TMEM259: variants seen among roughly 807,000 people sequenced by gnomAD.
The protein encoded by TMEM259 is transmembrane protein 259.
TMEM259 carries 26 observed loss-of-function variants against 46.7 expected under a neutral mutation model. The observed-to-expected ratio is 0.56, with a 90% CI of 0.41 to 0.77. TMEM259 has a LOEUF of 0.77. Ranked by LOEUF, TMEM259 falls within the 30% of genes least tolerant of loss-of-function variation. The probability of loss-of-function intolerance (pLI) is 0.00; values close to 1 mark genes in which losing one functional copy is unlikely to be tolerated. For synonymous variants in TMEM259, 494 were observed against 395.1 expected, an observed-to-expected ratio of 1.25 and a Z score of -2.97; for missense variants, 930 against 900.5, an observed-to-expected ratio of 1.03 and a Z score of -0.42.
At chr19:1,014,973 C>T (rs1408420630) in intron 1 of TMEM259, among the ~76,000 whole-genome samples, 1 of 152,236 alleles carries the variant, frequency 6.6e-6, no homozygotes, top group Non-Finnish European at 1.5e-5. Context: ...ACCCCAGGGC[C>T]ACCAGCTGGA....
intron 3 of TMEM259, among the ~76,000 whole-genome samples, chr19:1,013,018 G>C (rs759960579): frequency 1.3e-5 from 2 of 152,146 alleles, no homozygotes; most frequent in African/African-American, 2.4e-5. Context: ...CGCCGTTCAC[G>C]AGGATCCCAG....
In TMEM259 at chr19:1,010,363, T is replaced by G. The variant is rs781271051; in HGVS notation, c.1850A>C (p.Glu617Ala). 6.7e-7 allele frequency: 1 copy of G among 1,492,318 alleles called. No homozygotes were observed. Among genetic ancestry groups the G allele is most frequent in the South Asian group, 1.3e-5 (1 of 75,694 alleles). The allele number at this position is 1,492,318 out of a possible 1,614,324, so 92.4% of individuals were successfully genotyped here. The change falls in exon 11 of 11, where the codon GAG becomes GCG. Residue 617 changes from glutamate (E) to alanine (A), a missense_variant. Glu to Ala is a moderately radical substitution (Grantham distance 107). Transcript: ENST00000356663. ...ASMAPTEAPS[E>A]VGS ...CAGCTGTGCGGCTCAGGACCCCACC[T>G]CCGAGGGCGCCTCCGTTGGGGCCAT...
Position 1,011,809 on chromosome 19 carries a change from C to T in TMEM259, c.943-11G>A, listed in dbSNP as rs187323927. ...GGACACGCTCAGCGTCTGCAAGGGG[C>T]GCGCAGGAAGCGCTATGAGGGGCTG... On this transcript the variant is annotated splice_polypyrimidine_tract_variant and intron_variant, in intron 6 of 10. Coordinates refer to ENST00000356663, the MANE Select transcript of TMEM259 (RefSeq NM_001033026.2). The T allele has an allele frequency of 4.5e-5, 72 of 1,583,486 alleles. No individual in the cohort carries two copies. In the East Asian group the frequency reaches 5.3e-4, roughly 12 times the overall value.
At position 1,011,681 on chromosome 19, in the gene TMEM259, C is replaced by A. The variant is rs1002310778; in HGVS notation, c.1001-18G>T. On this transcript the variant is annotated intron_variant, in intron 7 of 10. Coordinates refer to ENST00000356663, the MANE Select transcript of TMEM259 (RefSeq NM_001033026.2). ...CAGGTCCACTGCGGGCACAGGGCGG[C>A]GGGCGCCCGGTGAGGGCCTGGAGGA... is the stretch of plus-strand genomic sequence containing the variant. 5.9e-6 allele frequency: 9 copies of A among 1,537,848 alleles called. No individual in the cohort carries two copies. The East Asian group carries it at 2.0e-4, about 34-fold the overall frequency.
chr19:1,016,661 C>A (rs945088159), intron 1 of TMEM259, among the ~76,000 whole-genome samples: 3 of 152,248 alleles, frequency 2.0e-5, no homozygotes, highest in African/African-American at 7.2e-5. Context: ...GAGGTCCCGA[C>A]AGACCTGGAC....
At position 1,012,075 on chromosome 19, in the gene TMEM259, C is replaced by G; in HGVS notation, c.832G>C (p.Glu278Gln). Reference protein sequence around the residue: ...SSVKGLAENEENKGFLRNVVS... With the variant: ...SSVKGLAENEQNKGFLRNVVS... The stretch of plus-strand genomic sequence containing the variant: ...CCGGGGCATGCCTCACCCTTGTTCT[C>G]CTCGTTCTCGGCCAGGCCCTTCACG... Residue 278 changes from glutamate (E) to glutamine (Q), a missense_variant, in exon 5 of 11, where the codon GAG becomes CAG. Transcript: ENST00000356663. 1 of 1,612,288 alleles carries G rather than the reference C, an allele frequency of 6.2e-7. No homozygotes were observed. Among genetic ancestry groups the G allele is most frequent in the Non-Finnish European group, 8.5e-7 (1 of 1,179,588 alleles).
chr19:1,010,696 G>A lies in TMEM259; in HGVS notation c.1517C>T (p.Ser506Leu), dbSNP rs753874054. The change falls in exon 11 of 11, where the codon TCG (serine) becomes TTG (leucine). Residue 506 changes from serine to leucine, a missense_variant. Ser to Leu is a moderately radical substitution (Grantham distance 145). Transcript: ENST00000356663. ...AGQPPALGPV[S>L]PGASGSPGPV... ...CCCGGGACTCCCGCTGGCCCCAGGC[G>A]AGACGGGGCCCAGGGCGGGGGGCTG... The A allele has an allele frequency of 8.5e-6, 13 of 1,530,154 alleles. No homozygotes were observed. Among genetic ancestry groups the A allele is most frequent in the Admixed American group, 6.0e-5 (3 of 50,232 alleles). The allele number at this position is 1,530,154 out of a possible 1,614,324, so 94.8% of individuals were successfully genotyped here. A position where few individuals can be genotyped will look rare whatever the true frequency, so the allele number is the denominator to read the frequency against.
chr19:1,010,712 C>T lies in TMEM259; in HGVS notation c.1501G>A (p.Ala501Thr), dbSNP rs1016879025. ...GCCCCAGGCGAGACGGGGCCCAGGG[C>T]GGGGGGCTGGCCGGCAGAGTCAGGG... ...TAPDSAGQPP[A>T]LGPVSPGASG... Residue 501 changes from alanine (A) to threonine (T), a missense_variant, in exon 11 of 11, where the codon GCC becomes ACC. By Grantham distance (58) the Ala-to-Thr change is moderately conservative. Transcript: ENST00000356663. 9 of 1,528,860 alleles carry T rather than the reference C, an allele frequency of 5.9e-6. No individual in the cohort carries two copies. The highest frequency in any genetic ancestry group is 2.8e-5 in the African/African-American group (2 of 72,446). 94.7% of individuals were successfully genotyped at this position (1,528,860 alleles called of 1,614,324 possible). A position where few individuals can be genotyped will look rare whatever the true frequency, so the allele number is the denominator to read the frequency against.
chr19:1,013,094 TG>T, intron 3 of TMEM259, 146 bp downstream of exon 3: 1 of 666,004 alleles, frequency 1.5e-6, no homozygotes, highest in Non-Finnish European at 2.6e-6. Context: ...TGCTGACAGA[TG>T]GGGAAATCGA....
rs536771567 is a variant in TMEM259 at position 1,015,600 on chromosome 19, C to T, written c.226-1127G>A. Among the ~76,000 whole-genome samples the T allele has an allele frequency of 7.2e-5, 11 of 152,214 alleles. No homozygotes were observed. The East Asian group carries it at 7.7e-4, about 11-fold the overall frequency. ...GTCACGTCTACCTGCTGCCCCGATC[C>T]GCAAAACTGAGGACCCAGCTGGGCC... On this transcript the variant is annotated intron_variant, in intron 1 of 10. Transcript: ENST00000356663.
rs1453128396 is a variant in TMEM259 at position 1,010,267 on chromosome 19, A to G, written c.*83T>C. The G allele has an allele frequency of 1.6e-6, 2 of 1,236,862 alleles. No homozygotes were observed. Among genetic ancestry groups the G allele is most frequent in the South Asian group, 3.4e-5 (2 of 58,130 alleles). The allele number at this position is 1,236,862 out of a possible 1,614,324, so 76.6% of individuals were successfully genotyped here. ...CAGGCTGGGCAGTCCCAGAGGAAGG[A>G]GGTGGCTGGCCTCCCCCACCCCCAC... On this transcript the variant is annotated 3_prime_UTR_variant, in exon 11 of 11. Coordinates refer to ENST00000356663, the MANE Select transcript of TMEM259 (RefSeq NM_001033026.2).
Position 1,011,446 on chromosome 19 carries a change from T to C in TMEM259, c.1138A>G (p.Ile380Val), listed in dbSNP as rs779842757. The change falls in exon 9 of 11, where the codon ATC (isoleucine) becomes GTC (valine). Residue 380 changes from isoleucine (I) to valine (V), a missense_variant. Physicochemically the swap from Ile to Val is conservative, Grantham distance 29 (BLOSUM62 3). Coordinates refer to ENST00000356663, the MANE Select transcript of TMEM259 (RefSeq NM_001033026.2). ...TCCGCGAGCCACACGATGAGGATGA[T>C]GTAGAAGGCGGTGGTGGTGTCGTTG... ...FFNDTTTAFY[I>V]ILIVWLADQY... 1 of 1,565,808 alleles carries C rather than the reference T, an allele frequency of 6.4e-7. No homozygotes were observed. Among genetic ancestry groups the C allele is most frequent in the African/African-American group, 1.4e-5 (1 of 73,630 alleles).
At chr19:1,014,049 C>T in intron 2 of TMEM259, 143 bp downstream of exon 2, 1 of 1,072,114 alleles carries the variant, frequency 9.3e-7, no homozygotes, top group Admixed American at 2.5e-5. Flanking sequence ...AAGGCCACGG[C>T]AGGCAGGGGC....
In TMEM259 at chr19:1,020,969, G is replaced by C; in HGVS notation, c.28C>G (p.Pro10Ala). The C allele has an allele frequency of 7.7e-7, 1 of 1,291,426 alleles. No homozygotes were observed. Among genetic ancestry groups the C allele is most frequent in the South Asian group, 2.6e-5 (1 of 38,658 alleles). The allele number at this position is 1,291,426 out of a possible 1,614,324, so 80.0% of individuals were successfully genotyped here. Residue 10 changes from proline to alanine, a missense_variant, in exon 1 of 11, where the codon CCG becomes GCG. Pro to Ala is a conservative substitution (Grantham distance 27). Transcript: ENST00000356663. This position sits in a 1 kb window ranked among gnomAD's most constrained non-coding sequence, Gnocchi z 4.0. ...CCGCCGCCGTTGGGCCCGGGCCCCG[G>C]AGCTGCGGGCTCCACGTGCTCCGAC... MSEHVEPAA[P>A]GPGPNGGGGG... is the part of the protein sequence containing the mutation.
In TMEM259 at chr19:1,014,257, G is replaced by A. The variant is rs766043802; in HGVS notation, c.442C>T (p.Leu148=). 25 of 1,613,130 alleles carry A rather than the reference G, an allele frequency of 1.5e-5. No individual in the cohort carries two copies. In the Admixed American group the frequency reaches 3.2e-4, roughly 20 times the overall value. ...TCCTCCTCCTCATCTTCCATGTCCA[G>A]GTTGCTGCCTGGTTCCACGGCCAGG... ...PGLAVEPGSN[L]DMEDEEEEEL... is the part of the protein sequence containing the mutation. Residue 148 remains leucine, a synonymous_variant, in exon 2 of 11, where the codon CTG becomes TTG. Transcript: ENST00000356663.
chr19:1,015,797 G>A (rs951037448), intron 1 of TMEM259, among the ~76,000 whole-genome samples: 7 of 152,206 alleles, frequency 4.6e-5, no homozygotes, highest in African/African-American at 1.4e-4. Flanking sequence ...CACAGCCATA[G>A]GCAAGACCAC....
Position 1,020,750 on chromosome 19 carries a change from C to T in TMEM259, c.225+22G>A. On this transcript the variant is annotated intron_variant, in intron 1 of 10. Coordinates refer to ENST00000356663, the MANE Select transcript of TMEM259 (RefSeq NM_001033026.2). The surrounding 1 kb of genome is among the most constrained non-coding windows in gnomAD (Gnocchi z 4.0). The stretch of plus-strand genomic sequence containing the variant: ...CGGGACAGCCGCTGGGGTCAAGGGT[C>T]GGGGGTCGGGGCCGCGGTCACCTTG... 7.7e-7 allele frequency: 1 copy of T among 1,290,992 alleles called. No individual in the cohort carries two copies. Among genetic ancestry groups the T allele is most frequent in the South Asian group, 2.7e-5 (1 of 37,614 alleles). 80.0% of individuals were successfully genotyped at this position (1,290,992 alleles called of 1,614,324 possible).
intron 1 of TMEM259, chr19:1,017,309 C>T (rs1380221105): frequency 5.0e-6 from 2 of 399,668 alleles, no homozygotes; most frequent in Non-Finnish European, 8.8e-6. Flanking sequence ...CCCTGGCCAC[C>T]CTCTGCCCGC....
intron 1 of TMEM259, among the ~76,000 whole-genome samples, chr19:1,018,065 CA>C (rs1366661738): frequency 1.3e-5 from 2 of 152,182 alleles, no homozygotes; most frequent in Non-Finnish European, 2.9e-5. Flanking sequence ...TGCCCATGTC[CA>C]GGGGTGCTGA....
Sources: allele counts gnomAD v4.1 joint callset (sites outside exome capture counted in the v4.1 genomes callset), GRCh38; gene constraint gnomAD v4.1.1; non-coding constraint Gnocchi (gnomAD v3.1); transcripts MANE v1.5; gene names NCBI Gene and HGNC (gene_info 2026-07-23, HGNC 2026-07-21).